PFKL: variants seen among roughly 807,000 people sequenced by gnomAD.
PFKL encodes the protein ATP-dependent 6-phosphofructokinase, liver type.
Under a neutral mutation model 92.1 loss-of-function variants are expected in PFKL, and 74 were observed. That is an observed-to-expected ratio of 0.80 (90% confidence interval 0.67 to 0.97). The LOEUF (loss-of-function observed/expected upper bound fraction) is 0.97, where lower values mean the gene tolerates loss of function less well. Ranked by LOEUF, PFKL falls within the 50% of genes least tolerant of loss-of-function variation. The probability of loss-of-function intolerance (pLI) is 0.00; values close to 1 mark genes in which losing one functional copy is unlikely to be tolerated. For missense variants in PFKL, 1,028 were observed against 1,116.6 expected (o/e 0.92, Z 1.13); for synonymous variants, 494 against 456.4 (o/e 1.08, Z -1.05).
intron 14 of PFKL, among the ~76,000 whole-genome samples, chr21:44,322,578 A>G (rs965817591): frequency 6.6e-6 from 1 of 152,198 alleles, no homozygotes; most frequent in African/African-American, 2.4e-5. Flanking sequence ...GGGTGGGCAC[A>G]GTCCCCCTGT....
intron 1 of PFKL, 104 bp from the exon 2 acceptor site, chr21:44,306,577 C>A: frequency 1.1e-6 from 1 of 925,624 alleles, no homozygotes. Flanking sequence ...CTGAGATGGA[C>A]AGGGTGTCCA....
intron 7 of PFKL, 156 bp from the exon 8 acceptor site, chr21:44,316,088 G>T: frequency 1.5e-6 from 1 of 672,024 alleles, no homozygotes. Flanking sequence ...CTGCCCTCGC[G>T]CTCCAGGCCT....
In PFKL at chr21:44,309,045, C is replaced by T. The variant is rs926478851; in HGVS notation, c.160-1961C>T. On this transcript the variant is annotated intron_variant, in intron 2 of 21. Coordinates refer to ENST00000349048, the MANE Select transcript of PFKL (RefSeq NM_002626.6). The stretch of plus-strand genomic sequence containing the variant: ...AGCAGCTATGGGCTTTAGGCAGATT[C>T]GGGGGCTTCAGGGAGCAGCTGCATC... Among the ~76,000 whole-genome samples, 12 of 152,074 alleles carry T rather than the reference C, an allele frequency of 7.9e-5. 1 individual carries two copies. The highest frequency in any genetic ancestry group is 7.7e-4 in the East Asian group (4 of 5,184).
chr21:44,306,575 G>C, intron 1 of PFKL, 106 bp from the exon 2 acceptor site: 1 of 937,658 alleles, frequency 1.1e-6, no homozygotes, highest in Non-Finnish European at 1.7e-6. Context: ...CTCTGAGATG[G>C]ACAGGGTGTC....
rs766392252 is a variant in PFKL, at chr21:44,313,554, G to A, written c.594-84G>A. 418 of 1,343,338 alleles carry A rather than the reference G, an allele frequency of 3.1e-4. 1 individual carries two copies. Among genetic ancestry groups the A allele is most frequent in the Non-Finnish European group, 4.1e-4 (388 of 957,234 alleles). 83.2% of individuals were successfully genotyped at this position (1,343,338 alleles called of 1,614,324 possible). ...TCCCCTGCCTGCCTCTCCATCCACTGGGTCCCTTGAGCACCCCGCAGGGAA... is the reference window on the plus strand; with the variant it reads ...TCCCCTGCCTGCCTCTCCATCCACTAGGTCCCTTGAGCACCCCGCAGGGAA... On this transcript the variant is annotated intron_variant, in intron 5 of 21. Transcript: ENST00000349048.
chr21:44,305,835 C>A (rs1568942576), intron 1 of PFKL: 1 of 1,366,784 alleles, frequency 7.3e-7, no homozygotes, highest in East Asian at 4.6e-5. Context: ...CTGGGACAGA[C>A]TGTTTCTTTC....
intron 7 of PFKL, 199 bp downstream of exon 7, chr21:44,314,220 C>T (rs2047135971): frequency 1.7e-6 from 1 of 581,282 alleles, no homozygotes; most frequent in South Asian, 2.1e-5. Context: ...TGGTCCTGCC[C>T]CCAGTGGGCA....
At chr21:44,316,028 G>A in intron 7 of PFKL, 1 of 582,274 alleles carries the variant, frequency 1.7e-6, no homozygotes, top group Non-Finnish European at 3.1e-6. Context: ...GAGCCCTCTT[G>A]TTCACCGCCT....
At chr21:44,314,054 G>T in intron 7 of PFKL, 33 bp downstream of exon 7, 1 of 1,468,846 alleles carries the variant, frequency 6.8e-7, no homozygotes. Flanking sequence ...GGGGCCGCAG[G>T]TGTCCTGGTG....
Position 44,313,128 on chromosome 21 carries a change from C to A in PFKL, c.578C>A (p.Thr193Asn). Residue 193 changes from threonine to asparagine, a missense_variant, in exon 5 of 22, where the codon ACC becomes AAC. By Grantham distance (65) the Thr-to-Asn change is moderately conservative. Coordinates refer to ENST00000349048, the MANE Select transcript of PFKL (RefSeq NM_002626.6). Reference protein sequence around the residue: ...HRIMEVIDAITTTAQSHQRTF... With the variant: ...HRIMEVIDAINTTAQSHQRTF... Reference sequence around the variant, plus strand: ...ATCATGGAGGTCATCGATGCCATCACCACCACTGCCCAGAGGTGAGTGAGG... The same window carrying A: ...ATCATGGAGGTCATCGATGCCATCAACACCACTGCCCAGAGGTGAGTGAGG... 15 of 1,612,800 alleles carry A rather than the reference C, an allele frequency of 9.3e-6. No homozygotes were observed. Among genetic ancestry groups the A allele is most frequent in the Non-Finnish European group, 1.3e-5 (15 of 1,179,862 alleles).
intron 4 of PFKL, 74 bp downstream of exon 4, chr21:44,312,368 G>A (rs2047072772): frequency 1.5e-6 from 2 of 1,349,164 alleles, no homozygotes; most frequent in South Asian, 1.4e-5. Context: ...GGAATGGGCA[G>A]GACAGAGGGA....
chr21:44,311,487 C>T (rs1298215791), intron 3 of PFKL, among the ~76,000 whole-genome samples: 1 of 152,228 alleles, frequency 6.6e-6, no homozygotes, highest in Non-Finnish European at 1.5e-5. Context: ...GATGCGCACA[C>T]AGGTACACAG....
At chr21:44,313,846 G>C (rs2047124606) in intron 6 of PFKL, 67 bp from the exon 7 acceptor site, 1 of 1,397,070 alleles carries the variant, frequency 7.2e-7, no homozygotes, top group African/African-American at 1.4e-5. Flanking sequence ...TCGGACCTCT[G>C]GGTACAGGGA....
Position 44,327,013 on chromosome 21 carries a change from C to A in PFKL, c.*151C>A. 1.5e-6 allele frequency: 1 copy of A among 689,624 alleles called. No homozygotes were observed. The highest frequency in any genetic ancestry group is 2.4e-6 in the Non-Finnish European group (1 of 411,632). 42.7% of individuals were successfully genotyped at this position (689,624 alleles called of 1,614,324 possible). A position where few individuals can be genotyped will look rare whatever the true frequency, so the allele number is the denominator to read the frequency against. On this transcript the variant is annotated 3_prime_UTR_variant, in exon 22 of 22. Transcript: ENST00000349048. The stretch of plus-strand genomic sequence containing the variant: ...CATCCCCTGCCTCTATCCCTGGCCA[C>A]CTGCCAGGCCTCCCTCGGGCTGGTG...
chr21:44,322,114 C>T lies in PFKL; in HGVS notation c.1339-19C>T. The T allele has an allele frequency of 6.3e-7, 1 of 1,598,926 alleles. No homozygotes were observed. Among genetic ancestry groups the T allele is most frequent in the Non-Finnish European group, 8.5e-7 (1 of 1,173,406 alleles). On this transcript the variant is annotated intron_variant, in intron 13 of 21. Coordinates refer to ENST00000349048, the MANE Select transcript of PFKL (RefSeq NM_002626.6). Reference sequence around the variant, plus strand: ...CAGAGGCTCAGGCTGGCCCCTGAAGCTGCATCTCCTCCTGGCAGGTGCAAG... The same window carrying T: ...CAGAGGCTCAGGCTGGCCCCTGAAGTTGCATCTCCTCCTGGCAGGTGCAAG...
chr21:44,319,322 T>C (rs774405464), intron 10 of PFKL, 29 bp from the exon 11 acceptor site: 3 of 1,600,830 alleles, frequency 1.9e-6, no homozygotes, highest in South Asian at 2.2e-5. Flanking sequence ...AGGCTCTCCA[T>C]AGTCTGTGTT....
At chr21:44,318,709 TCG>T (rs1239039173) in intron 10 of PFKL, 114 bp downstream of exon 10, 7 of 948,704 alleles carry the variant, frequency 7.4e-6, no homozygotes, top group Non-Finnish European at 8.6e-6. Flanking sequence ...GGGCAGGGCC[TCG>T]TGGCTGGCCC....
chr21:44,306,379 C>T (rs1233493639), intron 1 of PFKL, among the ~76,000 whole-genome samples: 5 of 152,154 alleles, frequency 3.3e-5, no homozygotes, highest in South Asian at 4.1e-4. Flanking sequence ...TGGGTTCACC[C>T]GAGCCTCCAC....
At chr21:44,306,858 G>C in intron 2 of PFKL, 104 bp downstream of exon 2, 1 of 990,416 alleles carries the variant, frequency 1.0e-6, no homozygotes, top group Non-Finnish European at 1.6e-6. Flanking sequence ...GGTGGTCCTG[G>C]CCTGGAGGAG....
Sources: allele counts gnomAD v4.1 joint callset (sites outside exome capture counted in the v4.1 genomes callset), GRCh38; gene constraint gnomAD v4.1.1; transcripts MANE v1.5; gene names NCBI Gene and HGNC (gene_info 2026-07-23, HGNC 2026-07-21).